Variants in SRSF2 observed in about 807,000 individuals in gnomAD.
SRSF2 encodes the protein serine/arginine-rich splicing factor 2.
In SRSF2, 4 loss-of-function variants were observed where a neutral mutation model predicts 15.7. The observed-to-expected ratio is 0.26, with a 90% CI of 0.13 to 0.58. The LOEUF (loss-of-function observed/expected upper bound fraction) is 0.58, where lower values mean the gene tolerates loss of function less well. Among genes scored for constraint, SRSF2 ranks in the 20% least tolerant of loss-of-function variants. The pLI, the probability that SRSF2 is intolerant of heterozygous loss-of-function variation, is 0.90. For synonymous variants in SRSF2, 192 were observed against 138.9 expected (o/e 1.38, Z -2.69); for missense variants, 147 against 332.4 (o/e 0.44, Z 4.34).
In SRSF2 at chr17:76,737,251, T is replaced by C. The variant is rs780469516; in HGVS notation, c.-91A>G. 12 of 1,446,178 alleles carry C rather than the reference T, an allele frequency of 8.3e-6. No individual in the cohort carries two copies. Among genetic ancestry groups the C allele is most frequent in the Non-Finnish European group, 1.1e-5 (12 of 1,092,502 alleles). The allele number at this position is 1,446,178 out of a possible 1,614,324, so 89.6% of individuals were successfully genotyped here. On this transcript the variant is annotated 5_prime_UTR_variant, in exon 1 of 3. Coordinates refer to ENST00000359995, the MANE Select transcript of SRSF2 (RefSeq NM_001195427.2). ...CGCCGCGCCTCTCAGGCAGTTGCCT[T>C]CCGCGTGGGGACACTGGGAAAGGCC...
chr17:76,736,125 G>T (rs772436301), intron 2 of SRSF2, 29 bp downstream of exon 2: 1 of 1,558,382 alleles, frequency 6.4e-7, no homozygotes, highest in East Asian at 2.3e-5. Context: ...ATGAATTAGG[G>T]TTATGTGTCT....
At chr17:76,736,044 G>T in intron 2 of SRSF2, 110 bp downstream of exon 2, 1 of 1,121,730 alleles carries the variant, frequency 8.9e-7, no homozygotes, top group Non-Finnish European at 1.3e-6. Flanking sequence ...TAACCTCCGA[G>T]CAGCACTCCT....
Position 76,734,620 on chromosome 17 carries a change from T to G in SRSF2, c.*546A>C, listed in dbSNP as rs1488781414. ...AGAATTGTGTTTGATAAACAATCCT[T>G]TCAAAAAATCAAGTCTTTTCACCTG... On this transcript the variant is annotated 3_prime_UTR_variant, in exon 3 of 3. Coordinates refer to ENST00000359995, the MANE Select transcript of SRSF2 (RefSeq NM_001195427.2). 1 of 229,542 alleles carries G rather than the reference T, an allele frequency of 4.4e-6. No individual in the cohort carries two copies. The highest frequency in any genetic ancestry group is 2.2e-5 in the African/African-American group (1 of 45,002). 14.2% of individuals were successfully genotyped at this position (229,542 alleles called of 1,614,324 possible). A position where few individuals can be genotyped will look rare whatever the true frequency, so the allele number is the denominator to read the frequency against.
Position 76,734,622 on chromosome 17 carries a change from C to A in SRSF2, c.*544G>T, listed in dbSNP as rs1598421542. The stretch of plus-strand genomic sequence containing the variant: ...AATTGTGTTTGATAAACAATCCTTT[C>A]AAAAAATCAAGTCTTTTCACCTGAA... On this transcript the variant is annotated 3_prime_UTR_variant, in exon 3 of 3. Transcript: ENST00000359995. The A allele has an allele frequency of 8.7e-6, 2 of 229,448 alleles. No homozygotes were observed. Among genetic ancestry groups the A allele is most frequent in the African/African-American group, 4.4e-5 (2 of 45,130 alleles). 14.2% of individuals were successfully genotyped at this position (229,448 alleles called of 1,614,324 possible).
chr17:76,737,170 T>G lies in SRSF2; in HGVS notation c.-10A>C, dbSNP rs1368260265. The G allele has an allele frequency of 1.9e-6, 3 of 1,549,550 alleles. No individual in the cohort carries two copies. The highest frequency in any genetic ancestry group is 2.6e-6 in the Non-Finnish European group (3 of 1,142,596). The stretch of plus-strand genomic sequence containing the variant: ...GGCGGCCGTAGCTCATAGCTCTGAG[T>G]GGCGGCCCGGAGCCCCGCGAACTGG... On this transcript the variant is annotated 5_prime_UTR_variant, in exon 1 of 3. Coordinates refer to ENST00000359995, the MANE Select transcript of SRSF2 (RefSeq NM_001195427.2).
In SRSF2 at chr17:76,736,846, C is replaced by T. The variant is rs2077528400; in HGVS notation, c.315G>A (p.Pro105=). 2 of 1,604,808 alleles carry T rather than the reference C, an allele frequency of 1.2e-6. No homozygotes were observed. Among genetic ancestry groups the T allele is most frequent in the East Asian group, 2.2e-5 (1 of 44,730 alleles). Residue 105 remains proline, a synonymous_variant, in exon 1 of 3, where the codon CCG becomes CCA. Coordinates refer to ENST00000359995, the MANE Select transcript of SRSF2 (RefSeq NM_001195427.2). Reference sequence around the variant, plus strand: ...CACCGCCCCCGTACCTGCGGGGTGGCGGTCCCCGGCGGCTGTGGTGTGAGT... The same window carrying T: ...CACCGCCCCCGTACCTGCGGGGTGGTGGTCCCCGGCGGCTGTGGTGTGAGT... ...PPDSHHSRRG[P]PPRRYGGGGY...
At chr17:76,735,332 A>G (rs2077406493) in intron 2 of SRSF2, 174 bp from the exon 3 acceptor site, 1 of 203,408 alleles carries the variant, frequency 4.9e-6, no homozygotes, top group Non-Finnish European at 1.0e-5. Flanking sequence ...TACCATCAGC[A>G]TGTACAAGTT....
At position 76,737,294 on chromosome 17, in the gene SRSF2, G is replaced by A. The variant is rs150381051; in HGVS notation, c.-134C>T. ...GAAAGGCCTTGCCGCAGAACAGCAC[G>A]GACGGGCTCCGCAGGCTAGCGCACC... On this transcript the variant is annotated 5_prime_UTR_variant, in exon 1 of 3. Transcript: ENST00000359995. The A allele has an allele frequency of 1.9e-3, 2,435 of 1,265,888 alleles. 8 individuals carry two copies. Among genetic ancestry groups the A allele is most frequent in the South Asian group, 0.015 (966 of 62,562 alleles). 78.4% of individuals were successfully genotyped at this position (1,265,888 alleles called of 1,614,324 possible). A position where few individuals can be genotyped will look rare whatever the true frequency, so the allele number is the denominator to read the frequency against.
chr17:76,735,079 C>G lies in SRSF2; in HGVS notation c.*87G>C, dbSNP rs1598423337. On this transcript the variant is annotated 3_prime_UTR_variant, in exon 3 of 3. Transcript: ENST00000359995. ...AAATAACCTTTTCAATAGCCAGTTG[C>G]TTGTTCCAAGGACTCTTCTTCGATG... 2.7e-5 allele frequency: 6 copies of G among 219,966 alleles called. No homozygotes were observed. The East Asian group carries it at 4.0e-4, about 15-fold the overall frequency. 13.6% of individuals were successfully genotyped at this position (219,966 alleles called of 1,614,324 possible).
Position 76,737,282 on chromosome 17 carries a change from G to C in SRSF2, c.-122C>G, listed in dbSNP as rs758989770. 1 of 1,341,588 alleles carries C rather than the reference G, an allele frequency of 7.5e-7. No individual in the cohort carries two copies. Among genetic ancestry groups the C allele is most frequent in the Non-Finnish European group, 9.9e-7 (1 of 1,007,702 alleles). 83.1% of individuals were successfully genotyped at this position (1,341,588 alleles called of 1,614,324 possible). ...TGGGGACACTGGGAAAGGCCTTGCC[G>C]CAGAACAGCACGGACGGGCTCCGCA... On this transcript the variant is annotated 5_prime_UTR_variant, in exon 1 of 3. Coordinates refer to ENST00000359995, the MANE Select transcript of SRSF2 (RefSeq NM_001195427.2).
chr17:76,735,221 A>G, intron 2 of SRSF2, 63 bp from the exon 3 acceptor site: 1 of 218,358 alleles, frequency 4.6e-6, no homozygotes, highest in Non-Finnish European at 9.2e-6. Context: ...TTTCAGTTTC[A>G]GGCACGTACT....
At chr17:76,735,281 C>A in intron 2 of SRSF2, 123 bp from the exon 3 acceptor site, 1 of 216,672 alleles carries the variant, frequency 4.6e-6, no homozygotes, top group Non-Finnish European at 9.3e-6. Flanking sequence ...TCCACCCAGC[C>A]ATGTTTTTAA....
chr17:76,735,738 G>A (rs1673126161), intron 2 of SRSF2: 1 of 330,954 alleles, frequency 3.0e-6, no homozygotes, highest in African/African-American at 2.1e-5. Flanking sequence ...GTTTCTCTAA[G>A]AGGATAGTGC....
intron 2 of SRSF2, 106 bp downstream of exon 2, chr17:76,736,048 C>T: frequency 1.8e-6 from 2 of 1,133,064 alleles, no homozygotes; most frequent in Non-Finnish European, 2.5e-6. Flanking sequence ...CTCCGAGCAG[C>T]ACTCCTAATG....
Position 76,736,930 on chromosome 17 carries a change from C to T in SRSF2, c.231G>A (p.Gly77=). The part of the protein sequence containing the change: ...DAEDAMDAMD[G]AVLDGRELRV... The stretch of plus-strand genomic sequence containing the variant: ...GCAGCTCGCGGCCGTCCAGCACGGC[C>T]CCGTCCATGGCATCCATAGCGTCCT... The change falls in exon 1 of 3, where the codon GGG becomes GGA. Residue 77 remains glycine (G), a synonymous_variant. Coordinates refer to ENST00000359995, the MANE Select transcript of SRSF2 (RefSeq NM_001195427.2). 6.2e-7 allele frequency: 1 copy of T among 1,613,080 alleles called. No homozygotes were observed.
rs1203897688 is a variant in SRSF2 at position 76,736,106 on chromosome 17, A to C, written c.*7+48T>G. The C allele has an allele frequency of 2.6e-6, 4 of 1,524,034 alleles. No individual in the cohort carries two copies. In the African/African-American group the frequency reaches 5.6e-5, roughly 21 times the overall value. 94.4% of individuals were successfully genotyped at this position (1,524,034 alleles called of 1,614,324 possible). A position where few individuals can be genotyped will look rare whatever the true frequency, so the allele number is the denominator to read the frequency against. On this transcript the variant is annotated intron_variant, in intron 2 of 2. Transcript: ENST00000359995. The stretch of plus-strand genomic sequence containing the variant: ...CACGACTCAAAAAGACCTACCCCAA[A>C]TCCCATTTATGAATTAGGGTTATGT...
intron 2 of SRSF2, chr17:76,735,943 TCAAA>T (rs1217124422): frequency 4.8e-6 from 3 of 624,532 alleles, no homozygotes; most frequent in Non-Finnish European, 8.5e-6. Context: ...TTAATAGGTC[TCAAA>T]CAGTTTACGA....
chr17:76,736,012 C>T, intron 2 of SRSF2, 142 bp downstream of exon 2: 5 of 798,116 alleles, frequency 6.3e-6, no homozygotes, highest in Non-Finnish European at 1.0e-5. Flanking sequence ...CCCCTCTCTT[C>T]AGTATTACTC....
In SRSF2 at chr17:76,737,205, C is replaced by T. The variant is rs1473094424; in HGVS notation, c.-45G>A. ...GAGCCCCGCGAACTGGCGCCGGCTT[C>T]CTCAGCTCTGGGCGGTGCGACGCCG... On this transcript the variant is annotated 5_prime_UTR_variant, in exon 1 of 3. Transcript: ENST00000359995. The T allele has an allele frequency of 2.0e-6, 3 of 1,504,170 alleles. No homozygotes were observed. The highest frequency in any genetic ancestry group is 2.4e-5 in the East Asian group (1 of 40,938). The allele number at this position is 1,504,170 out of a possible 1,614,324, so 93.2% of individuals were successfully genotyped here.
Sources: gnomAD v4.1 joint callset for allele counts on GRCh38, gnomAD v4.1.1 for gene constraint, MANE v1.5 for transcripts, NCBI Gene and HGNC (gene_info 2026-07-23, HGNC 2026-07-21) for gene names.